SH3PXD2A: variants seen among roughly 807,000 people sequenced by gnomAD.
SH3PXD2A encodes SH3 and PX domain-containing protein 2A.
A neutral mutation model predicts 115.2 loss-of-function variants in SH3PXD2A; 32 were observed. That is an observed-to-expected ratio of 0.28 (90% CI 0.21 to 0.37). SH3PXD2A has a LOEUF of 0.37. Among genes scored for constraint, SH3PXD2A ranks in the 10% least tolerant of loss-of-function variants. The pLI is 1.00. For missense variants in SH3PXD2A, 1,328 were observed against 1,498.7 expected (o/e 0.89, Z 1.88); for synonymous variants, 610 against 629.1 (o/e 0.97, Z 0.45).
At chr10:103,747,763 T>A (rs2038523572) in intron 3 of SH3PXD2A, among the ~76,000 whole-genome samples, 1 of 152,206 alleles carries the variant, frequency 6.6e-6, no homozygotes, top group Non-Finnish European at 1.5e-5. Flanking sequence ...TTTGCCTGGC[T>A]CTCTTGGGAT....
intron 1 of SH3PXD2A, among the ~76,000 whole-genome samples, chr10:103,838,729 G>A (rs2039569336): frequency 6.6e-6 from 1 of 152,210 alleles, no homozygotes; most frequent in Non-Finnish European, 1.5e-5. Flanking sequence ...CTAAGTGGGG[G>A]ATCTTTACCA....
At chr10:103,631,498 G>A (rs1369935200) in intron 8 of SH3PXD2A, among the ~76,000 whole-genome samples, 2 of 152,136 alleles carry the variant, frequency 1.3e-5, no homozygotes, top group African/African-American at 4.8e-5. Context: ...ACTGTATCTG[G>A]AGCTGGGTTT....
At chr10:103,653,695 G>A (rs868037982) in intron 8 of SH3PXD2A, among the ~76,000 whole-genome samples, 23 of 152,228 alleles carry the variant, frequency 1.5e-4, no homozygotes, top group Middle Eastern at 3.4e-3. Context: ...CTGGCTCCAC[G>A]CAGGTAGCTG....
intron 8 of SH3PXD2A, among the ~76,000 whole-genome samples, chr10:103,654,113 A>C (rs1281199739): frequency 1.3e-5 from 2 of 152,112 alleles, no homozygotes; most frequent in East Asian, 3.9e-4. Context: ...TCAGCTCTGC[A>C]CCATGCAACA....
chr10:103,660,270 T>C (rs1250807811), intron 8 of SH3PXD2A, among the ~76,000 whole-genome samples: 1 of 152,116 alleles, frequency 6.6e-6, no homozygotes, highest in Non-Finnish European at 1.5e-5. Context: ...GCTTGGGCTC[T>C]CCTCTCTTCA....
At chr10:103,611,362 G>A (rs1692257614) in intron 13 of SH3PXD2A, among the ~76,000 whole-genome samples, 2 of 152,254 alleles carry the variant, frequency 1.3e-5, no homozygotes, top group African/African-American at 4.8e-5. Context: ...TTGGAGTGCA[G>A]TGTGTTTCCG....
chr10:103,840,195 C>T (rs971763054), intron 1 of SH3PXD2A, among the ~76,000 whole-genome samples: 1 of 152,220 alleles, frequency 6.6e-6, no homozygotes, highest in Non-Finnish European at 1.5e-5. Flanking sequence ...GGGGAGGTTG[C>T]CCCGCTTCCA....
rs772755005 is a variant in SH3PXD2A, at chr10:103,617,298, G to A, written c.819C>T (p.Thr273=). Residue 273 remains threonine (T), a synonymous_variant, in exon 11 of 15, where the codon ACC becomes ACT. Coordinates refer to ENST00000369774, the MANE Select transcript of SH3PXD2A (RefSeq NM_001394015.1). ...RQHSREEKYV[T]VQPYTSQSKD... ...TGCTTTGGCTGGTGTAAGGCTGCAC[G>A]GTGACATACTTCTCCTCTGGGGGTG... The A allele has an allele frequency of 1.1e-5, 18 of 1,613,438 alleles. No individual in the cohort carries two copies. In the Admixed American group the frequency reaches 1.2e-4, roughly 10 times the overall value.
Position 103,659,209 on chromosome 10 carries a change from C to T in SH3PXD2A, c.604+1774G>A, listed in dbSNP as rs969410278. Among the ~76,000 whole-genome samples the T allele has an allele frequency of 2.0e-5, 3 of 152,216 alleles. 1 individual carries two copies. The highest frequency in any genetic ancestry group is 2.0e-4 in the Admixed American group (3 of 15,280). ...ATCCTGGAGTCTTCCAGCAGGATGA[C>T]TTCCTCTTGTGTGCTCTCATCTTCA... On this transcript the variant is annotated intron_variant, in intron 8 of 14. Transcript: ENST00000369774.
At chr10:103,609,600 G>A (rs376570756) in intron 13 of SH3PXD2A, 25 of 152,172 alleles carry the variant, frequency 1.6e-4, no homozygotes, top group African/African-American at 6.0e-4. Flanking sequence ...GTGTCTACTG[G>A]GTGCCAGACA....
At chr10:103,694,767 C>G (rs2037805020) in intron 5 of SH3PXD2A, among the ~76,000 whole-genome samples, 1 of 152,170 alleles carries the variant, frequency 6.6e-6, no homozygotes, top group East Asian at 1.9e-4. Flanking sequence ...ATAAAAACTG[C>G]AGCGTGGATG....
chr10:103,768,481 A>G (rs1265621130), intron 2 of SH3PXD2A, among the ~76,000 whole-genome samples: 1 of 152,198 alleles, frequency 6.6e-6, no homozygotes, highest in Admixed American at 6.5e-5. Context: ...GATGAGAGGG[A>G]CAGGCAATGA....
At chr10:103,750,780 G>A (rs1301464959) in intron 3 of SH3PXD2A, among the ~76,000 whole-genome samples, 1 of 144,890 alleles carries the variant, frequency 6.9e-6, no homozygotes, top group Non-Finnish European at 1.6e-5. Flanking sequence ...TGAGGGGCAC[G>A]GGCTTTTTTT....
intron 3 of SH3PXD2A, among the ~76,000 whole-genome samples, chr10:103,751,308 C>T (rs950045811): frequency 1.5e-4 from 23 of 152,280 alleles, no homozygotes; most frequent in Admixed American, 1.0e-3. Context: ...GCTGTAGGCA[C>T]GGGGGATATA....
intron 1 of SH3PXD2A, among the ~76,000 whole-genome samples, chr10:103,841,428 G>A (rs1334246659): frequency 2.0e-5 from 3 of 152,206 alleles, no homozygotes; most frequent in Non-Finnish European, 2.9e-5. Context: ...TACCCATGAC[G>A]CTGCTGATGG....
intron 8 of SH3PXD2A, among the ~76,000 whole-genome samples, chr10:103,633,727 C>CAAA (rs35917262): frequency 2.2e-4 from 16 of 74,342 alleles, no homozygotes; most frequent in African/African-American, 3.1e-4. Flanking sequence ...GATTCTGTCT[C>CAAA]AAAAAAAAAA....
At chr10:103,670,521 A>T (rs902301430) in intron 6 of SH3PXD2A, among the ~76,000 whole-genome samples, 2 of 152,204 alleles carry the variant, frequency 1.3e-5, no homozygotes, top group African/African-American at 4.8e-5. Flanking sequence ...GACACCCAGA[A>T]AATCATGCCC....
intron 8 of SH3PXD2A, among the ~76,000 whole-genome samples, chr10:103,630,753 A>G (rs1012418105): frequency 1.3e-5 from 2 of 151,138 alleles, no homozygotes; most frequent in Non-Finnish European, 3.0e-5. Context: ...CTTAAAAAAA[A>G]AAAAAAAAAA....
chr10:103,822,208 T>A (rs1408104792), intron 1 of SH3PXD2A, among the ~76,000 whole-genome samples: 1 of 152,264 alleles, frequency 6.6e-6, no homozygotes. Context: ...ATCCTTCTCA[T>A]TTGACTTATT....
Sources: allele counts gnomAD v4.1 joint callset (sites outside exome capture counted in the v4.1 genomes callset), GRCh38; gene constraint gnomAD v4.1.1; transcripts MANE v1.5; gene names NCBI Gene and HGNC (gene_info 2026-07-23, HGNC 2026-07-21).